Variants in USP22 observed in about 807,000 individuals in gnomAD.
USP22 encodes ubiquitin specific peptidase 22, also known as ubiquitin carboxyl-terminal hydrolase 22.
USP22 carries 22 observed loss-of-function variants against 68.1 expected under a neutral mutation model. The ratio of observed to expected loss-of-function variants is 0.32; its 90% CI spans 0.23 to 0.46. The LOEUF is 0.46. Among genes scored for constraint, USP22 ranks in the 20% least tolerant of loss-of-function variants. The pLI, the probability that USP22 is intolerant of heterozygous loss-of-function variation, is 1.00. For synonymous variants in USP22, 279 were observed against 274.2 expected, an observed-to-expected ratio of 1.02 and a Z score of -0.17; for missense variants, 433 against 695.8, an observed-to-expected ratio of 0.62 and a Z score of 4.25.
At position 21,030,382 on chromosome 17, in the gene USP22, G is replaced by GTA. The variant is rs1443231900; in HGVS notation, c.172-1709_172-1708insTA. Among the ~76,000 whole-genome samples, 1,101 of 151,870 alleles carry GTA rather than the reference G, an allele frequency of 7.2e-3. 14 individuals carry two copies. Among genetic ancestry groups the GTA allele is most frequent in the African/African-American group, 0.025 (1,025 of 41,370 alleles). On this transcript the variant is annotated intron_variant, in intron 1 of 12. Transcript: ENST00000261497. ...ACTCAGGCCGCTTGTGTGTGTGTGTGTGTGTATGTATGTATGTATGTATGT... is the reference window on the plus strand; with the variant it reads ...ACTCAGGCCGCTTGTGTGTGTGTGTGTATGTGTATGTATGTATGTATGTATGT...
chr17:21,038,170 G>T (rs929372202), intron 1 of USP22, among the ~76,000 whole-genome samples: 2 of 152,092 alleles, frequency 1.3e-5, no homozygotes, highest in Non-Finnish European at 2.9e-5. Context: ...AGGCCGAAGT[G>T]AATCTCCTAA....
At chr17:21,011,008 G>A in intron 8 of USP22, 143 bp downstream of exon 8, 1 of 1,165,696 alleles carries the variant, frequency 8.6e-7, no homozygotes, top group Non-Finnish European at 1.1e-6. Context: ...ACTAGCACAA[G>A]AGACTGCAGC....
intron 12 of USP22, 71 bp from the exon 13 acceptor site, chr17:21,003,144 C>T (rs1913650753): frequency 1.9e-6 from 3 of 1,577,916 alleles, no homozygotes; most frequent in Admixed American, 1.7e-5. Flanking sequence ...ACCCACCCTA[C>T]ACAAAAGCCT....
upstream of USP22, chr17:21,043,077 G>A (rs531513481): frequency 5.7e-3 from 1,325 of 234,038 alleles, 9 homozygotes; most frequent in Middle Eastern, 0.01. Context: ...GGTTCGCGGA[G>A]GGTGTCGCGG....
At chr17:21,032,430 G>C (rs1314228309) in intron 1 of USP22, among the ~76,000 whole-genome samples, 1 of 152,200 alleles carries the variant, frequency 6.6e-6, no homozygotes, top group East Asian at 1.9e-4. Flanking sequence ...ACAGGAGTAA[G>C]GTAGCACATG....
At chr17:21,041,976 C>G (rs1195577402) in intron 1 of USP22, among the ~76,000 whole-genome samples, 1 of 152,088 alleles carries the variant, frequency 6.6e-6, no homozygotes, top group Non-Finnish European at 1.5e-5. Flanking sequence ...CAGCCCCTGC[C>G]GCCCTCCACC....
chr17:21,040,371 T>G (rs62058990), intron 1 of USP22, among the ~76,000 whole-genome samples: 24,091 of 151,988 alleles, frequency 0.16, 2,376 homozygotes, highest in South Asian at 0.24. Context: ...GTGATACAGG[T>G]AAATAAGTCC....
intron 4 of USP22, among the ~76,000 whole-genome samples, chr17:21,018,790 G>A (rs1300088861): frequency 6.6e-6 from 1 of 152,148 alleles, no homozygotes; most frequent in Non-Finnish European, 1.5e-5. Flanking sequence ...TTCTCTCCCT[G>A]AAGATTACTG....
At chr17:21,010,149 G>T (rs1913909198) in intron 8 of USP22, among the ~76,000 whole-genome samples, 1 of 152,032 alleles carries the variant, frequency 6.6e-6, no homozygotes, top group African/African-American at 2.4e-5. Flanking sequence ...GCATGAAAGA[G>T]CAAGACCCTA....
In USP22 at chr17:21,030,317, A is replaced by G. The variant is rs542326875; in HGVS notation, c.172-1643T>C. On this transcript the variant is annotated intron_variant, in intron 1 of 12. Coordinates refer to ENST00000261497, the MANE Select transcript of USP22 (RefSeq NM_015276.2). ...TGCACCTATCCCTTTTTTCCCCCAAATATCTTTGATTTGTGGTTGGTTGAA... is the reference window on the plus strand; with the variant it reads ...TGCACCTATCCCTTTTTTCCCCCAAGTATCTTTGATTTGTGGTTGGTTGAA... Among the ~76,000 whole-genome samples the G allele has an allele frequency of 4.6e-5, 7 of 151,992 alleles. No individual in the cohort carries two copies. The South Asian group carries it at 1.5e-3, about 32-fold the overall frequency.
chr17:21,026,654 G>A (rs894805544), intron 2 of USP22, among the ~76,000 whole-genome samples: 1 of 142,418 alleles, frequency 7.0e-6, no homozygotes, highest in Non-Finnish European at 1.6e-5. Flanking sequence ...AAAAAAATTA[G>A]TAGGAAAAAA....
chr17:21,033,089 G>A (rs1405923158), intron 1 of USP22, among the ~76,000 whole-genome samples: 2 of 152,094 alleles, frequency 1.3e-5, no homozygotes, highest in African/African-American at 2.4e-5. Flanking sequence ...GACATGGACC[G>A]TGGAGGGGTG....
Position 21,034,260 on chromosome 17 carries a change from A to C in USP22, c.172-5586T>G, listed in dbSNP as rs73984915. Among the ~76,000 whole-genome samples the C allele has an allele frequency of 6.0e-3, 908 of 152,278 alleles. 10 individuals carry two copies. The highest frequency in any genetic ancestry group is 0.021 in the African/African-American group (871 of 41,560). ...CAGAAGGGGTAATTTCATTCAGCAA[A>C]GGCAAGACCTCAGACTGACCTCATT... On this transcript the variant is annotated intron_variant, in intron 1 of 12. Transcript: ENST00000261497.
intron 10 of USP22, among the ~76,000 whole-genome samples, chr17:21,005,562 G>C (rs938391780): frequency 3.3e-5 from 5 of 152,152 alleles, no homozygotes; most frequent in African/African-American, 1.2e-4. Flanking sequence ...CCTTAGAACA[G>C]TACTGTCACC....
intron 5 of USP22, 121 bp from the exon 6 acceptor site, chr17:21,016,020 G>T: frequency 1.5e-6 from 2 of 1,326,418 alleles, no homozygotes; most frequent in Non-Finnish European, 2.0e-6. Context: ...TGACACAAAT[G>T]TTTGGATTTT....
At chr17:21,013,713 G>A (rs1296758469) in intron 6 of USP22, among the ~76,000 whole-genome samples, 2 of 152,180 alleles carry the variant, frequency 1.3e-5, no homozygotes, top group Non-Finnish European at 2.9e-5. Flanking sequence ...ATGCTTCCCA[G>A]AGGGATCTCA....
Position 21,011,228 on chromosome 17 carries a change from G to C in USP22, c.1026C>G (p.Ser342Arg). Residue 342 changes from serine to arginine, a missense_variant, in exon 8 of 13, where the codon AGC becomes AGG. Coordinates refer to ENST00000261497, the MANE Select transcript of USP22 (RefSeq NM_015276.2). ...PGSSTPFWPL[S>R]PGSEGNVVNG... Reference sequence around the variant, plus strand: ...TTACCACGTTGCCCTCGCTCCCTGGGCTCAGGGGCCAGAATGGGGTGGAAG... The same window carrying C: ...TTACCACGTTGCCCTCGCTCCCTGGCCTCAGGGGCCAGAATGGGGTGGAAG... The C allele has an allele frequency of 6.2e-7, 1 of 1,609,582 alleles. No homozygotes were observed. The highest frequency in any genetic ancestry group is 8.5e-7 in the Non-Finnish European group (1 of 1,177,904).
At chr17:21,032,978 C>T (rs1237698358) in intron 1 of USP22, among the ~76,000 whole-genome samples, 1 of 149,864 alleles carries the variant, frequency 6.7e-6, no homozygotes, top group Non-Finnish European at 1.5e-5. Context: ...CCCCAGGCAC[C>T]CTTGCAGCTC....
At position 21,011,236 on chromosome 17, in the gene USP22, G is replaced by A; in HGVS notation, c.1018C>T (p.Pro340Ser). 6.2e-7 allele frequency: 1 copy of A among 1,606,480 alleles called. No individual in the cohort carries two copies. Among genetic ancestry groups the A allele is most frequent in the Non-Finnish European group, 8.5e-7 (1 of 1,176,464 alleles). ...DLPGSSTPFW[P>S]LSPGSEGNVV... is the part of the protein sequence containing the mutation. Reference sequence around the variant, plus strand: ...TTGCCCTCGCTCCCTGGGCTCAGGGGCCAGAATGGGGTGGAAGAGCCGGGG... The same window carrying A: ...TTGCCCTCGCTCCCTGGGCTCAGGGACCAGAATGGGGTGGAAGAGCCGGGG... The change falls in exon 8 of 13, where the codon CCC (proline) becomes TCC (serine). Residue 340 changes from proline (P) to serine (S), a missense_variant. By Grantham distance (74) the Pro-to-Ser change is moderately conservative. Transcript: ENST00000261497.
Sources: gnomAD v4.1 joint callset for allele counts (sites outside exome capture counted in the v4.1 genomes callset) on GRCh38, gnomAD v4.1.1 for gene constraint, MANE v1.5 for transcripts, NCBI Gene and HGNC (gene_info 2026-07-23, HGNC 2026-07-21) for gene names.